KCNB2: variants seen among roughly 807,000 people sequenced by gnomAD.
KCNB2 encodes delayed rectifier potassium channel protein.
A neutral mutation model predicts 61.5 loss-of-function variants in KCNB2; 15 were observed. That is an observed-to-expected ratio of 0.24 (90% CI 0.16 to 0.38). KCNB2 has a LOEUF of 0.38. Ranked by LOEUF, KCNB2 falls within the 10% of genes least tolerant of loss-of-function variation. KCNB2 has a pLI of 1.00. For missense variants in KCNB2, 828 were observed against 1,125.2 expected (o/e 0.74, Z 3.78); for synonymous variants, 457 against 446.0 (o/e 1.02, Z -0.31).
intron 2 of KCNB2, among the ~76,000 whole-genome samples, chr8:72,809,948 C>G (rs561480690): frequency 6.6e-6 from 1 of 152,096 alleles, no homozygotes; most frequent in African/African-American, 2.4e-5. Context: ...CTATAATTAC[C>G]TCACACTTCT....
intron 2 of KCNB2, among the ~76,000 whole-genome samples, chr8:72,620,873 G>A (rs901988244): frequency 6.6e-6 from 1 of 152,150 alleles, no homozygotes; most frequent in Non-Finnish European, 1.5e-5. Flanking sequence ...CTCCCAAAGT[G>A]TGGGGATTAC....
chr8:72,776,610 C>A (rs1006313493), intron 2 of KCNB2, among the ~76,000 whole-genome samples: 3 of 152,180 alleles, frequency 2.0e-5, no homozygotes, highest in Admixed American at 1.3e-4. Flanking sequence ...TTGCTGCTAA[C>A]AAGTCTCCTT....
intron 2 of KCNB2, among the ~76,000 whole-genome samples, chr8:72,672,551 A>T (rs1806582220): frequency 6.6e-6 from 1 of 152,162 alleles, no homozygotes; most frequent in Admixed American, 6.5e-5. Flanking sequence ...TTTTATCATA[A>T]TTGGTCCTAT....
At chr8:72,666,842 A>G (rs1806481884) in intron 2 of KCNB2, among the ~76,000 whole-genome samples, 1 of 151,742 alleles carries the variant, frequency 6.6e-6, no homozygotes, top group African/African-American at 2.4e-5. Flanking sequence ...CATGAAAATT[A>G]TAACTACTAG....
chr8:72,607,805 T>C (rs1338010518), intron 2 of KCNB2, among the ~76,000 whole-genome samples: 2 of 152,116 alleles, frequency 1.3e-5, no homozygotes, highest in African/African-American at 4.8e-5. Context: ...CAAGTTTGAA[T>C]AACAATATAA....
chr8:72,662,680 T>C (rs2250126), intron 2 of KCNB2, among the ~76,000 whole-genome samples: 54,163 of 151,952 alleles, frequency 0.36, 10,773 homozygotes, highest in East Asian at 0.76. Context: ...GTCATCCTAC[T>C]TATGGAGGTC....
At chr8:72,842,159 G>C (rs887859565) in intron 2 of KCNB2, among the ~76,000 whole-genome samples, 3 of 152,118 alleles carry the variant, frequency 2.0e-5, no homozygotes, top group African/African-American at 7.2e-5. Flanking sequence ...GTTGAATTTT[G>C]TCAAAGGCCT....
chr8:72,594,064 G>A (rs1206718548), intron 2 of KCNB2, among the ~76,000 whole-genome samples: 2 of 152,128 alleles, frequency 1.3e-5, no homozygotes, highest in African/African-American at 2.4e-5. Context: ...AGTGAAACTA[G>A]CCTCCATCTC....
At chr8:72,542,947 C>T (rs531739486) in intron 1 of KCNB2, among the ~76,000 whole-genome samples, 5 of 152,292 alleles carry the variant, frequency 3.3e-5, no homozygotes, top group Non-Finnish European at 5.9e-5. Context: ...AGAAATAAAT[C>T]ACAACCAAAT....
At chr8:72,740,257 A>T (rs564350498) in intron 2 of KCNB2, among the ~76,000 whole-genome samples, 151 of 152,262 alleles carry the variant, frequency 9.9e-4, no homozygotes, top group Non-Finnish European at 1.7e-3. Flanking sequence ...ATTGACACTG[A>T]CCCAGAAGAG....
At chr8:72,791,366 A>G (rs1808939730) in intron 2 of KCNB2, among the ~76,000 whole-genome samples, 1 of 152,144 alleles carries the variant, frequency 6.6e-6, no homozygotes, top group Admixed American at 6.6e-5. Flanking sequence ...CCTGAGCAAT[A>G]TAGCAAGACC....
chr8:72,899,964 G>A (rs1806059648), intron 2 of KCNB2, among the ~76,000 whole-genome samples: 1 of 152,104 alleles, frequency 6.6e-6, no homozygotes. Flanking sequence ...GAACCCAGAA[G>A]TTCAAGACCA....
chr8:72,938,022 G>C lies in KCNB2; in HGVS notation c.2667G>C (p.Leu889Phe), dbSNP rs774657966. 6.2e-7 allele frequency: 1 copy of C among 1,614,064 alleles called. No homozygotes were observed. The highest frequency in any genetic ancestry group is 1.6e-4 in the Middle Eastern group (1 of 6,062). Reference protein sequence around the residue: ...SQEGCKMENHLFAPEIHSNPG... With the variant: ...SQEGCKMENHFFAPEIHSNPG... ...AAGGGTGCAAGATGGAAAATCACTT[G>C]TTTGCCCCAGAAATTCATTCCAACC... Residue 889 changes from leucine (L) to phenylalanine (F), a missense_variant, in exon 3 of 3, where the codon TTG becomes TTC. Leu to Phe is a conservative substitution (Grantham distance 22). This residue lies in a region of KCNB2 where 559 missense variants were observed against 588.4 expected (regional missense o/e 0.95). Coordinates refer to ENST00000523207, the MANE Select transcript of KCNB2 (RefSeq NM_004770.3).
chr8:72,840,853 TG>T (rs1474884027), intron 2 of KCNB2, among the ~76,000 whole-genome samples: 1 of 152,228 alleles, frequency 6.6e-6, no homozygotes, highest in Non-Finnish European at 1.5e-5. Context: ...TTCTGTAGGT[TG>T]CCTGTTCACT....
At chr8:72,718,773 C>G (rs1807494048) in intron 2 of KCNB2, among the ~76,000 whole-genome samples, 1 of 151,988 alleles carries the variant, frequency 6.6e-6, no homozygotes, top group African/African-American at 2.4e-5. Flanking sequence ...TGTAACAAAC[C>G]TGTACGTTGT....
intron 2 of KCNB2, among the ~76,000 whole-genome samples, chr8:72,765,264 C>A (rs1808443679): frequency 6.6e-6 from 1 of 152,146 alleles, no homozygotes; most frequent in Non-Finnish European, 1.5e-5. Flanking sequence ...TGGGAAAAGT[C>A]CCTAAACCTG....
rs887256953 is a variant in KCNB2 at position 72,558,091 on chromosome 8, A to G, written c.-93-9551A>G. On this transcript the variant is annotated intron_variant, in intron 1 of 2. Coordinates refer to ENST00000523207, the MANE Select transcript of KCNB2 (RefSeq NM_004770.3). ...ATGTGTTAAGCATTCATATTAGGTG[A>G]CACACTAGCTAGGTACAAAAGATGC... is the stretch of plus-strand genomic sequence containing the variant. Among the ~76,000 whole-genome samples the G allele has an allele frequency of 2.0e-5, 3 of 152,214 alleles. No individual in the cohort carries two copies. In the East Asian group the frequency reaches 5.8e-4, roughly 29 times the overall value.
chr8:72,808,168 A>G (rs775912315), intron 2 of KCNB2, among the ~76,000 whole-genome samples: 1 of 152,210 alleles, frequency 6.6e-6, no homozygotes, highest in African/African-American at 2.4e-5. Flanking sequence ...CTGCCCTGAA[A>G]CATGGTTTTC....
chr8:72,743,228 T>C (rs1807996487), intron 2 of KCNB2, among the ~76,000 whole-genome samples: 1 of 152,206 alleles, frequency 6.6e-6, no homozygotes, highest in Non-Finnish European at 1.5e-5. Context: ...TGTAGTATAC[T>C]ATGACTTTAA....
Sources: allele counts gnomAD v4.1 joint callset (sites outside exome capture counted in the v4.1 genomes callset), GRCh38; gene constraint gnomAD v4.1.1; regional missense constraint gnomAD v4.1.1; transcripts MANE v1.5; gene names NCBI Gene and HGNC (gene_info 2026-07-23, HGNC 2026-07-21).